Variants in LHFPL3 observed in about 807,000 individuals in gnomAD.
LHFPL3 encodes the protein LHFPL tetraspan subfamily member 3 protein.
In LHFPL3, 5 loss-of-function variants were observed where a neutral mutation model predicts 19.3. The observed-to-expected ratio is 0.26, with a 90% confidence interval of 0.14 to 0.54. The LOEUF is 0.54. LHFPL3 is among the 20% of genes least tolerant of loss of function. The pLI is 0.94. For missense variants in LHFPL3, 249 were observed against 307.4 expected (o/e 0.81, Z 1.42); for synonymous variants, 133 against 126.2 (o/e 1.05, Z -0.36).
At chr7:104,865,502 A>C (rs939044551) in intron 2 of LHFPL3, among the ~76,000 whole-genome samples, 2 of 152,200 alleles carry the variant, frequency 1.3e-5, no homozygotes, top group East Asian at 3.8e-4. Context: ...GAATGAAATG[A>C]AGCAAGAAGA....
intron 2 of LHFPL3, among the ~76,000 whole-genome samples, chr7:104,829,463 A>C (rs1255875049): frequency 1.3e-5 from 2 of 151,766 alleles, no homozygotes; most frequent in African/African-American, 2.4e-5. Context: ...TATATCTCCT[A>C]ATGCTATCCC....
intron 1 of LHFPL3, among the ~76,000 whole-genome samples, chr7:104,692,081 A>G (rs1458444293): frequency 6.6e-6 from 1 of 152,188 alleles, no homozygotes; most frequent in Admixed American, 6.5e-5. Flanking sequence ...TAAAGTTGAG[A>G]GAGATGATTT....
At chr7:104,561,167 G>T (rs1789989542) in intron 1 of LHFPL3, among the ~76,000 whole-genome samples, 1 of 151,962 alleles carries the variant, frequency 6.6e-6, no homozygotes, top group African/African-American at 2.4e-5. Flanking sequence ...TGTTGATTTG[G>T]GGTGGAGAGT....
intron 1 of LHFPL3, among the ~76,000 whole-genome samples, chr7:104,590,812 A>G (rs1790699779): frequency 6.6e-6 from 1 of 152,162 alleles, no homozygotes; most frequent in Admixed American, 6.5e-5. Flanking sequence ...TTGGGTGCCT[A>G]TATATTTAGG....
At chr7:104,870,562 A>T (rs929500753) in intron 2 of LHFPL3, among the ~76,000 whole-genome samples, 1 of 152,244 alleles carries the variant, frequency 6.6e-6, no homozygotes. Context: ...CTTAAGTCCA[A>T]GAAAGTTTCA....
chr7:104,633,901 C>T (rs560082593), intron 1 of LHFPL3, among the ~76,000 whole-genome samples: 1 of 152,294 alleles, frequency 6.6e-6, no homozygotes, highest in East Asian at 1.9e-4. Flanking sequence ...TTCCTTGCTA[C>T]CCATTTTGTG....
chr7:104,410,802 A>G (rs1438446005), intron 1 of LHFPL3, among the ~76,000 whole-genome samples: 1 of 152,268 alleles, frequency 6.6e-6, no homozygotes, highest in Non-Finnish European at 1.5e-5. Context: ...GCAAGGAAGC[A>G]GCTAAGAAGG....
intron 2 of LHFPL3, chr7:104,895,671 T>C (rs1047562241): frequency 1.3e-5 from 2 of 152,112 alleles, no homozygotes; most frequent in African/African-American, 2.4e-5. Flanking sequence ...ACTCAAAAGC[T>C]TTTCAGTGGG....
chr7:104,609,283 A>G (rs1007156974), intron 1 of LHFPL3, among the ~76,000 whole-genome samples: 2 of 152,014 alleles, frequency 1.3e-5, no homozygotes, highest in Admixed American at 6.6e-5. Flanking sequence ...GAAAAGAAAA[A>G]AAAAGTTAGC....
intron 1 of LHFPL3, among the ~76,000 whole-genome samples, chr7:104,628,153 T>C (rs1791580380): frequency 6.6e-6 from 1 of 152,282 alleles, no homozygotes; most frequent in East Asian, 1.9e-4. Flanking sequence ...GCTGTTCTCA[T>C]GTCCACTGAA....
chr7:104,691,463 A>G (rs1259960380), intron 1 of LHFPL3, among the ~76,000 whole-genome samples: 1 of 152,254 alleles, frequency 6.6e-6, no homozygotes, highest in African/African-American at 2.4e-5. Flanking sequence ...GTGAAGCACT[A>G]CAACCCCTGT....
At chr7:104,338,942 T>C (rs1020061591) in intron 1 of LHFPL3, among the ~76,000 whole-genome samples, 1 of 152,196 alleles carries the variant, frequency 6.6e-6, no homozygotes, top group Non-Finnish European at 1.5e-5. Flanking sequence ...ACTCTTCTCA[T>C]TTTCTTGATT....
chr7:104,809,927 A>G (rs1790434222), intron 2 of LHFPL3, among the ~76,000 whole-genome samples: 1 of 152,250 alleles, frequency 6.6e-6, no homozygotes, highest in African/African-American at 2.4e-5. Context: ...AGAAAGCAGT[A>G]GAATAAATTG....
At position 104,516,843 on chromosome 7, in the gene LHFPL3, C is replaced by T. The variant is rs185283145; in HGVS notation, c.445+187619C>T. 3.2e-4 allele frequency among the ~76,000 whole-genome samples: 48 copies of T among 152,112 alleles called. No homozygotes were observed. In the East Asian group the frequency reaches 3.9e-3, roughly 12 times the overall value. On this transcript the variant is annotated intron_variant, in intron 1 of 2. Transcript: ENST00000424859. Reference sequence around the variant, plus strand: ...TCATTCTATCTTAAAGACACATGCACGTGTATATTCATTGCAGTGCTATTT... The same window carrying T: ...TCATTCTATCTTAAAGACACATGCATGTGTATATTCATTGCAGTGCTATTT...
chr7:104,424,115 A>C (rs1229240233), intron 1 of LHFPL3, among the ~76,000 whole-genome samples: 2 of 151,938 alleles, frequency 1.3e-5, no homozygotes, highest in African/African-American at 4.8e-5. Flanking sequence ...TCTCTCCCTT[A>C]AAAAAAAGGG....
intron 1 of LHFPL3, among the ~76,000 whole-genome samples, chr7:104,378,269 G>C (rs1224034169): frequency 6.6e-6 from 1 of 152,200 alleles, no homozygotes; most frequent in Non-Finnish European, 1.5e-5. Context: ...TCTGTCATTA[G>C]AGATGAGTTT....
intron 1 of LHFPL3, among the ~76,000 whole-genome samples, chr7:104,337,080 A>G (rs1789824387): frequency 1.3e-5 from 2 of 152,162 alleles, no homozygotes; most frequent in South Asian, 4.2e-4. Context: ...TGTTTTCTGC[A>G]TGGCCCTTAG....
intron 2 of LHFPL3, among the ~76,000 whole-genome samples, chr7:104,874,425 C>T (rs1266837793): frequency 1.4e-5 from 2 of 143,636 alleles, no homozygotes; most frequent in Non-Finnish European, 3.0e-5. Flanking sequence ...GACAGAGTCT[C>T]GTTCTGTCAC....
At chr7:104,796,092 T>A (rs1790120504) in intron 2 of LHFPL3, among the ~76,000 whole-genome samples, 1 of 152,128 alleles carries the variant, frequency 6.6e-6, no homozygotes, top group Non-Finnish European at 1.5e-5. Flanking sequence ...GTGATGGGAT[T>A]TTTCAATAGC....
Sources: allele counts gnomAD v4.1 joint callset (sites outside exome capture counted in the v4.1 genomes callset), GRCh38; gene constraint gnomAD v4.1.1; transcripts MANE v1.5; gene names NCBI Gene and HGNC (gene_info 2026-07-23, HGNC 2026-07-21).